The following C19orf44 variants were observed in gnomAD, a reference collection of about 807,000 sequenced individuals.
C19orf44 encodes chromosome 19 open reading frame 44.
A neutral mutation model predicts 50.7 loss-of-function variants in C19orf44; 43 were observed. That is an observed-to-expected ratio of 0.85 (90% CI 0.66 to 1.09). The LOEUF is 1.09. Among genes scored for constraint, C19orf44 ranks in the 50% least tolerant of loss-of-function variants. The pLI, the probability that C19orf44 is intolerant of heterozygous loss-of-function variation, is 0.00. For synonymous variants in C19orf44, 298 were observed against 334.7 expected (o/e 0.89, Z 1.20); for missense variants, 722 against 836.2 (o/e 0.86, Z 1.68).
intron 3 of C19orf44, among the ~76,000 whole-genome samples, chr19:16,505,854 G>A (rs983834525): frequency 1.3e-5 from 2 of 150,186 alleles, no homozygotes; most frequent in Non-Finnish European, 3.0e-5. Context: ...GCTAATTTTT[G>A]TATTTTTAAT....
At chr19:16,503,446 C>T (rs779536966) in intron 3 of C19orf44, 66 bp downstream of exon 3, 632 of 1,500,012 alleles carry the variant, frequency 4.2e-4, no homozygotes, top group Admixed American at 6.5e-4. Flanking sequence ...TTTAGAGTCC[C>T]TGACGCAGTG....
rs56319712 is a variant in C19orf44, at chr19:16,502,236, C to CTTT, written c.759+703_759+705dup. ...ATTTGTGGAATATTTTCTTTCTTTC[C>CTTT]TTTTTTTTTTTTTTTTTTTTGAGAT... On this transcript the variant is annotated intron_variant, in intron 2 of 8. Coordinates refer to ENST00000221671, the MANE Select transcript of C19orf44 (RefSeq NM_032207.4). Among the ~76,000 whole-genome samples the CTTT allele has an allele frequency of 4.7e-5, 5 of 106,730 alleles. No homozygotes were observed. In the East Asian group the frequency reaches 7.1e-4, roughly 15 times the overall value. The allele number at this position is 106,730 out of a possible 152,430, so 70.0% of individuals were successfully genotyped here. A position where few individuals can be genotyped will look rare whatever the true frequency, so the allele number is the denominator to read the frequency against.
At chr19:16,504,476 C>A (rs1433375812) in intron 3 of C19orf44, among the ~76,000 whole-genome samples, 1 of 152,186 alleles carries the variant, frequency 6.6e-6, no homozygotes, top group African/African-American at 2.4e-5. Context: ...TTCCCCCCAG[C>A]TGGCTGGCTG....
At chr19:16,506,822 A>G in intron 4 of C19orf44, 48 bp downstream of exon 4, 1 of 1,410,816 alleles carries the variant, frequency 7.1e-7, no homozygotes, top group Non-Finnish European at 9.7e-7. Context: ...TTTGGCTTCA[A>G]CATTTTTTTT....
intron 5 of C19orf44, chr19:16,510,279 T>C (rs2093453453): frequency 2.6e-6 from 1 of 388,198 alleles, no homozygotes; most frequent in Non-Finnish European, 4.9e-6. Context: ...TGGTGGTGTG[T>C]TCCTGTAATC....
At chr19:16,497,357 T>TTTC (rs1237103358) in intron 1 of C19orf44, among the ~76,000 whole-genome samples, 2 of 147,446 alleles carry the variant, frequency 1.4e-5, no homozygotes, top group Non-Finnish European at 3.0e-5. Context: ...CTTTCCTTTT[T>TTTC]TTTTTTTTTT....
rs551459944 is a variant in C19orf44, at chr19:16,521,044, G to A, written c.*991G>A. Reference sequence around the variant, plus strand: ...CTGTGGCTGTGGGCTCCGAGCATGGGCGCAGTAGAGCTTGGTTCAGTGTTC... The same window carrying A: ...CTGTGGCTGTGGGCTCCGAGCATGGACGCAGTAGAGCTTGGTTCAGTGTTC... On this transcript the variant is annotated 3_prime_UTR_variant, in exon 9 of 9. Coordinates refer to ENST00000221671, the MANE Select transcript of C19orf44 (RefSeq NM_032207.4). 1.2e-4 allele frequency: 88 copies of A among 755,814 alleles called. No individual in the cohort carries two copies. In the African/African-American group the frequency reaches 1.4e-3, roughly 12 times the overall value. The allele number at this position is 755,814 out of a possible 1,614,324, so 46.8% of individuals were successfully genotyped here.
chr19:16,513,961 A>G (rs1363424963), intron 6 of C19orf44, among the ~76,000 whole-genome samples: 2 of 151,536 alleles, frequency 1.3e-5, no homozygotes, highest in East Asian at 3.9e-4. Context: ...TCCATCTGGT[A>G]CCTACTATTT....
rs765452090 is a variant in C19orf44 at position 16,501,528 on chromosome 19, G to A, written c.736G>A (p.Glu246Lys). Residue 246 changes from glutamate (E) to lysine (K), a missense_variant, in exon 2 of 9, where the codon GAA (glutamate) becomes AAA (lysine). Physicochemically the swap from Glu to Lys is moderately conservative, Grantham distance 56. Coordinates refer to ENST00000221671, the MANE Select transcript of C19orf44 (RefSeq NM_032207.4). ...CTTCAGCAGCGCTAACGTCAGCGAGGAAGAAGAAAGAAAACTATTTTCGGT... is the reference window on the plus strand; with the variant it reads ...CTTCAGCAGCGCTAACGTCAGCGAGAAAGAAGAAAGAAAACTATTTTCGGT... ...QGFSSANVSE[E>K]EERKLFSVPS... The A allele has an allele frequency of 2.1e-6, 3 of 1,415,634 alleles. No homozygotes were observed. Among genetic ancestry groups the A allele is most frequent in the Admixed American group, 2.7e-5 (1 of 37,450 alleles). 87.7% of individuals were successfully genotyped at this position (1,415,634 alleles called of 1,614,324 possible).
chr19:16,505,372 C>T (rs192075439), intron 3 of C19orf44, among the ~76,000 whole-genome samples: 27 of 151,906 alleles, frequency 1.8e-4, no homozygotes, highest in African/African-American at 6.5e-4. Context: ...TGCCACCACG[C>T]CCAGCTAATT....
intron 5 of C19orf44, among the ~76,000 whole-genome samples, chr19:16,512,320 T>G (rs1029579688): frequency 7.9e-5 from 12 of 151,984 alleles, no homozygotes; most frequent in African/African-American, 2.9e-4. Flanking sequence ...AGACTAGGAC[T>G]GACAGGGAAA....
chr19:16,508,545 C>G (rs1433555804), intron 4 of C19orf44, among the ~76,000 whole-genome samples: 1 of 152,058 alleles, frequency 6.6e-6, no homozygotes, highest in Non-Finnish European at 1.5e-5. Flanking sequence ...GCACCCATGC[C>G]TGGCTAATTT....
chr19:16,500,661 T>A (rs2093422503), intron 1 of C19orf44, 131 bp from the exon 2 acceptor site: 1 of 920,062 alleles, frequency 1.1e-6, no homozygotes, highest in Admixed American at 2.8e-5. Context: ...TTCATTGTCA[T>A]CCTTGGGCTT....
In C19orf44 at chr19:16,512,940, G is replaced by A; in HGVS notation, c.1640-74G>A. On this transcript the variant is annotated intron_variant, in intron 5 of 8. Coordinates refer to ENST00000221671, the MANE Select transcript of C19orf44 (RefSeq NM_032207.4). Reference sequence around the variant, plus strand: ...GAACAAGGTCACGTAGTTTATTCCAGGGTCGTATCTGTGGACCCGAAAGTC... The same window carrying A: ...GAACAAGGTCACGTAGTTTATTCCAAGGTCGTATCTGTGGACCCGAAAGTC... 4.1e-6 allele frequency: 5 copies of A among 1,211,952 alleles called. No homozygotes were observed. The South Asian group carries it at 6.3e-5, about 15-fold the overall frequency. 75.1% of individuals were successfully genotyped at this position (1,211,952 alleles called of 1,614,324 possible).
Position 16,506,694 on chromosome 19 carries a change from A to AT in C19orf44, c.1076-5dup. On this transcript the variant is annotated splice_polypyrimidine_tract_variant and splice_region_variant and intron_variant, in intron 3 of 8. Transcript: ENST00000221671. ...TGTAAACGCTTATACTCATTTTTTAATTACAGAGTTTAGAATAAATATTTT... is the reference window on the plus strand; with the variant it reads ...TGTAAACGCTTATACTCATTTTTTAATTTACAGAGTTTAGAATAAATATTTT... The AT allele has an allele frequency of 6.4e-7, 1 of 1,572,490 alleles. No individual in the cohort carries two copies. The highest frequency in any genetic ancestry group is 8.6e-7 in the Non-Finnish European group (1 of 1,158,488).
chr19:16,504,235 A>T (rs2093433835), intron 3 of C19orf44, among the ~76,000 whole-genome samples: 1 of 152,122 alleles, frequency 6.6e-6, no homozygotes, highest in East Asian at 1.9e-4. Context: ...CTGTTGGGGC[A>T]CCAGAATCTC....
rs1372737928 is a variant in C19orf44 at position 16,519,440 on chromosome 19, A to G, written c.*41-654A>G. ...GGCTGAATGTCCAGACAGGCAGTGT[A>G]GACATGGGAAATGGGTAGAGAGAAC... is the stretch of plus-strand genomic sequence containing the variant. On this transcript the variant is annotated intron_variant, in intron 8 of 8. Coordinates refer to ENST00000221671, the MANE Select transcript of C19orf44 (RefSeq NM_032207.4). This position sits in a 1 kb window ranked among gnomAD's most constrained non-coding sequence, Gnocchi z 6.0. 2 of 1,421,516 alleles carry G rather than the reference A, an allele frequency of 1.4e-6. No homozygotes were observed. Among genetic ancestry groups the G allele is most frequent in the East Asian group, 2.3e-5 (1 of 43,660 alleles). The allele number at this position is 1,421,516 out of a possible 1,614,324, so 88.1% of individuals were successfully genotyped here.
chr19:16,516,087 C>T (rs954158991), intron 7 of C19orf44, among the ~76,000 whole-genome samples: 2 of 152,130 alleles, frequency 1.3e-5, no homozygotes, highest in Admixed American at 1.3e-4. Context: ...CGTGAGCCAC[C>T]GCCCCCTGCT....
chr19:16,520,585 A>G lies in C19orf44; in HGVS notation c.*532A>G. 1 of 1,502,790 alleles carries G rather than the reference A, an allele frequency of 6.7e-7. No homozygotes were observed. The highest frequency in any genetic ancestry group is 2.3e-5 in the East Asian group (1 of 44,258). The allele number at this position is 1,502,790 out of a possible 1,614,324, so 93.1% of individuals were successfully genotyped here. ...CCCACCCTGGCCCTCAGGTTCCTAGACCACCCCAGATGCAGGGGCTCTGGC... is the reference window on the plus strand; with the variant it reads ...CCCACCCTGGCCCTCAGGTTCCTAGGCCACCCCAGATGCAGGGGCTCTGGC... On this transcript the variant is annotated 3_prime_UTR_variant, in exon 9 of 9. Transcript: ENST00000221671. The surrounding 1 kb of genome is among the most constrained non-coding windows in gnomAD (Gnocchi z 4.0).
Sources: allele counts gnomAD v4.1 joint callset (sites outside exome capture counted in the v4.1 genomes callset), GRCh38; gene constraint gnomAD v4.1.1; non-coding constraint Gnocchi (gnomAD v3.1); transcripts MANE v1.5; gene names NCBI Gene and HGNC (gene_info 2026-07-23, HGNC 2026-07-21).